The following GRID2 variants were observed in gnomAD, a reference collection of about 807,000 sequenced individuals.
GRID2 encodes the protein glutamate ionotropic receptor delta type subunit 2, also known as glutamate receptor ionotropic, delta-2.
In GRID2, 33 loss-of-function variants were observed where a neutral mutation model predicts 114.8. That is an observed-to-expected ratio of 0.29 (90% CI 0.22 to 0.38). The LOEUF (loss-of-function observed/expected upper bound fraction) is 0.38, where lower values mean the gene tolerates loss of function less well. Among genes scored for constraint, GRID2 ranks in the 10% least tolerant of loss-of-function variants. The pLI is 1.00. For synonymous variants in GRID2, 505 were observed against 449.9 expected (o/e 1.12, Z -1.55); for missense variants, 1,184 against 1,257.7 (o/e 0.94, Z 0.89).
At chr4:92,754,435 A>T (rs1737611116) in intron 2 of GRID2, among the ~76,000 whole-genome samples, 1 of 152,134 alleles carries the variant, frequency 6.6e-6, no homozygotes, top group Non-Finnish European at 1.5e-5. Context: ...GAGCCTATAA[A>T]CTATAGGATC....
chr4:93,021,843 AAAT>A (rs990335797), intron 2 of GRID2, among the ~76,000 whole-genome samples: 18 of 147,170 alleles, frequency 1.2e-4, no homozygotes, highest in African/African-American at 4.4e-4. Flanking sequence ...TATTATTTTT[AAAT>A]AATAAATATT....
At chr4:92,777,211 G>C (rs1405997343) in intron 2 of GRID2, among the ~76,000 whole-genome samples, 2 of 151,558 alleles carry the variant, frequency 1.3e-5, no homozygotes, top group African/African-American at 4.8e-5. Context: ...TGTATAAGTA[G>C]GTTTCTCAGT....
chr4:93,397,726 A>G (rs1765470912), intron 9 of GRID2, among the ~76,000 whole-genome samples: 1 of 151,918 alleles, frequency 6.6e-6, no homozygotes, highest in African/African-American at 2.4e-5. Flanking sequence ...AAAATCTGCA[A>G]ATTCTTAAGT....
intron 1 of GRID2, among the ~76,000 whole-genome samples, chr4:92,473,077 ATATCT>A (rs1306694809): frequency 1.3e-5 from 2 of 152,042 alleles, no homozygotes; most frequent in African/African-American, 2.4e-5. Context: ...TTATTTTTGC[ATATCT>A]TATGAGTTAT....
chr4:92,849,929 G>T (rs1314785235), intron 2 of GRID2, among the ~76,000 whole-genome samples: 4 of 151,476 alleles, frequency 2.6e-5, no homozygotes, highest in African/African-American at 9.7e-5. Flanking sequence ...AAGTAATAAA[G>T]CAATTAAAGA....
chr4:93,062,659 C>T (rs1727910593), intron 2 of GRID2, among the ~76,000 whole-genome samples: 1 of 151,944 alleles, frequency 6.6e-6, no homozygotes, highest in African/African-American at 2.4e-5. Flanking sequence ...AAAGTCACTT[C>T]AGGGCTAAAA....
intron 1 of GRID2, among the ~76,000 whole-genome samples, chr4:92,418,139 T>C (rs1294090449): frequency 2.0e-5 from 3 of 152,122 alleles, no homozygotes; most frequent in African/African-American, 7.2e-5. Context: ...GAGTCTGAGG[T>C]AGATTTGGTG....
intron 4 of GRID2, among the ~76,000 whole-genome samples, chr4:93,205,556 G>T (rs140260444): frequency 6.6e-6 from 1 of 152,066 alleles, no homozygotes; most frequent in East Asian, 1.9e-4. Context: ...CCAGTCTATC[G>T]TTGTTAGACA....
chr4:93,309,676 A>G (rs764929876), intron 8 of GRID2, among the ~76,000 whole-genome samples: 6 of 152,330 alleles, frequency 3.9e-5, no homozygotes, highest in Non-Finnish European at 8.8e-5. Context: ...ATTCTAGAAT[A>G]AAGCACTAGC....
At chr4:92,407,295 A>C (rs1024338458) in intron 1 of GRID2, among the ~76,000 whole-genome samples, 2 of 152,016 alleles carry the variant, frequency 1.3e-5, no homozygotes, top group African/African-American at 4.8e-5. Flanking sequence ...ATATTCCATG[A>C]TGTATATGTA....
intron 2 of GRID2, among the ~76,000 whole-genome samples, chr4:92,614,211 G>A (rs1729891341): frequency 6.6e-6 from 1 of 151,486 alleles, no homozygotes; most frequent in African/African-American, 2.4e-5. Flanking sequence ...CCAGCTGCCA[G>A]CATCCTCAGT....
rs1178592690 is a variant in GRID2, at chr4:93,728,613, T to G, written c.2361-40597T>G. ...TTAAAGTCTCCCATTATTATTGTGT[T>G]GGAGTCTAAGTCTCTTTGTAGGTCA... On this transcript the variant is annotated intron_variant, in intron 14 of 15. Coordinates refer to ENST00000282020, the MANE Select transcript of GRID2 (RefSeq NM_001510.4). Among the ~76,000 whole-genome samples, 10 of 152,242 alleles carry G rather than the reference T, an allele frequency of 6.6e-5. No homozygotes were observed. In the South Asian group the frequency reaches 1.0e-3, roughly 16 times the overall value.
downstream of GRID2, among the ~76,000 whole-genome samples, chr4:93,777,081 T>C (rs1213977796): frequency 6.6e-6 from 1 of 152,180 alleles, no homozygotes; most frequent in African/African-American, 2.4e-5. Context: ...ATAAACCCAA[T>C]GAATGTAAAG....
chr4:92,592,054 T>C (rs567034259), intron 2 of GRID2, among the ~76,000 whole-genome samples: 26 of 152,076 alleles, frequency 1.7e-4, no homozygotes, highest in African/African-American at 5.8e-4. Flanking sequence ...TAAATTAATA[T>C]TAGAAATAAT....
At chr4:93,124,442 G>T (rs1467864081) in intron 4 of GRID2, among the ~76,000 whole-genome samples, 1 of 152,000 alleles carries the variant, frequency 6.6e-6, no homozygotes, top group Non-Finnish European at 1.5e-5. Context: ...TACATAAATG[G>T]CAAATACATG....
At chr4:92,903,065 G>C (rs761724680) in intron 2 of GRID2, among the ~76,000 whole-genome samples, 5 of 151,500 alleles carry the variant, frequency 3.3e-5, no homozygotes, top group African/African-American at 4.8e-5. Context: ...ATTAATTTTA[G>C]GATTTTTTTT....
intron 13 of GRID2, among the ~76,000 whole-genome samples, chr4:93,520,362 G>T: frequency 6.6e-6 from 1 of 152,132 alleles, no homozygotes; most frequent in East Asian, 1.9e-4. Context: ...AGATCATGAA[G>T]AGGATGTTGC....
chr4:93,357,051 T>A (rs1014235762), intron 8 of GRID2, among the ~76,000 whole-genome samples: 5 of 151,722 alleles, frequency 3.3e-5, no homozygotes, highest in East Asian at 1.9e-4. Flanking sequence ...CAATTTTTTT[T>A]ATGTTTTTAT....
intron 2 of GRID2, among the ~76,000 whole-genome samples, chr4:92,646,884 A>G (rs1399002016): frequency 2.1e-5 from 3 of 146,274 alleles, no homozygotes; most frequent in Non-Finnish European, 4.5e-5. Context: ...ACAGTCTTTG[A>G]ATTCTTTTTT....
Sources: allele counts gnomAD v4.1 joint callset (sites outside exome capture counted in the v4.1 genomes callset), GRCh38; gene constraint gnomAD v4.1.1; transcripts MANE v1.5; gene names NCBI Gene and HGNC (gene_info 2026-07-23, HGNC 2026-07-21).